RBM12: variants seen among roughly 807,000 people sequenced by gnomAD.
The protein encoded by RBM12 is RNA-binding protein 12.
Under a neutral mutation model 37.2 loss-of-function variants are expected in RBM12, and 24 were observed. The ratio of observed to expected loss-of-function variants is 0.65; its 90% CI spans 0.47 to 0.91. RBM12 has a LOEUF of 0.91. Among genes scored for constraint, RBM12 ranks in the 40% least tolerant of loss-of-function variants. The pLI is 0.00. For synonymous variants in RBM12, 420 were observed against 425.2 expected (o/e 0.99, Z 0.15); for missense variants, 1,061 against 1,183.2 (o/e 0.90, Z 1.52).
rs1420381380 is a variant in RBM12 at position 35,651,036 on chromosome 20, G to A, written c.*1488C>T. 6.6e-6 allele frequency: 1 copy of A among 152,274 alleles called. No homozygotes were observed. The highest frequency in any genetic ancestry group is 2.4e-5 in the African/African-American group (1 of 41,396). The allele number at this position is 152,274 out of a possible 1,614,324, so 9.4% of individuals were successfully genotyped here. A position where few individuals can be genotyped will look rare whatever the true frequency, so the allele number is the denominator to read the frequency against. ...GACACATTTTCAGAGCATTGACTAG[G>A]GAAAGTAACCATAACTAGAGCCCTG... On this transcript the variant is annotated 3_prime_UTR_variant, in exon 3 of 3. Coordinates refer to ENST00000374114, the MANE Select transcript of RBM12 (RefSeq NM_006047.6).
Position 35,655,215 on chromosome 20 carries a change from T to G in RBM12, c.108A>C (p.Val36=). 1 of 1,614,032 alleles carries G rather than the reference T, an allele frequency of 6.2e-7. No homozygotes were observed. The highest frequency in any genetic ancestry group is 8.5e-7 in the Non-Finnish European group (1 of 1,180,010). Residue 36 remains valine (V), a synonymous_variant, in exon 3 of 3, where the codon GTA becomes GTC. Coordinates refer to ENST00000374114, the MANE Select transcript of RBM12 (RefSeq NM_006047.6). ...TGAAAGCCTCACCCAGTTCACCCCC[T>G]ACAATATGCACGCCCCCATCAGGAA... The part of the protein sequence containing the change: ...LTIPDGGVHI[V]GGELGEAFIV...
intron 1 of RBM12, 124 bp from the exon 2 acceptor site, chr20:35,659,138 C>CAAAAAAAAAAAAAAAAA (rs370328377): frequency 3.9e-6 from 1 of 253,598 alleles, no homozygotes; most frequent in African/African-American, 3.0e-5. Context: ...GAATGCATAT[C>CAAAAAAAAAAAAAAAAA]AAAAAAAAAA....
In RBM12 at chr20:35,652,486, A is replaced by C; in HGVS notation, c.*38T>G. 2 of 1,567,940 alleles carry C rather than the reference A, an allele frequency of 1.3e-6. No individual in the cohort carries two copies. The highest frequency in any genetic ancestry group is 2.4e-5 in the South Asian group (2 of 84,612). On this transcript the variant is annotated 3_prime_UTR_variant, in exon 3 of 3. Transcript: ENST00000374114. ...ACAATCTGGATGCATTAATCACAGC[A>C]ATATGAAGATCTACCCTATAAAAAA...
At chr20:35,664,422 C>T (rs768233056) in intron 1 of RBM12, 4 of 152,340 alleles carry the variant, frequency 2.6e-5, no homozygotes, top group African/African-American at 4.8e-5. Flanking sequence ...ATCCTCCGTA[C>T]TCGGGATGTA....
In RBM12 at chr20:35,654,630, A is replaced by C. The variant is rs532658606; in HGVS notation, c.693T>G (p.Ser231=). 3 of 1,614,066 alleles carry C rather than the reference A, an allele frequency of 1.9e-6. No individual in the cohort carries two copies. In the African/African-American group the frequency reaches 4.0e-5, roughly 22 times the overall value. The change falls in exon 3 of 3, where the codon TCT becomes TCG. Residue 231 remains serine, a synonymous_variant. Transcript: ENST00000374114. ...PPVPPIPPVP[S]VPPMTPLPPM... ...GTGGCAGTGGGGTCATGGGTGGCAC[A>C]GAAGGAACTGGGGGAATCGGGGGCA... is the stretch of plus-strand genomic sequence containing the variant.
rs922488202 is a variant in RBM12, at chr20:35,653,804, T to C, written c.1519A>G (p.Lys507Glu). 1.9e-6 allele frequency: 3 copies of C among 1,613,848 alleles called. No individual in the cohort carries two copies. The highest frequency in any genetic ancestry group is 2.7e-5 in the African/African-American group (2 of 74,946). The change falls in exon 3 of 3, where the codon AAG becomes GAG. Residue 507 changes from lysine (K) to glutamate (E), a missense_variant. Lys to Glu is a moderately conservative substitution (Grantham distance 56). Coordinates refer to ENST00000374114, the MANE Select transcript of RBM12 (RefSeq NM_006047.6). ...TCTATCTTTTCTAGCATACCTTTCT[T>C]AGTAATTGGATGAACTTGAATAAAG... The part of the protein sequence containing the change: ...NRFIQVHPIT[K>E]KGMLEKIDMI...
In RBM12 at chr20:35,649,960, T is replaced by C. The variant is rs929038706; in HGVS notation, c.*2564A>G. ...CCATACAAAGCAAATGAGAAAATAA[T>C]GTCAATTCATTTCTACCCCAAACCT... On this transcript the variant is annotated 3_prime_UTR_variant, in exon 3 of 3. Coordinates refer to ENST00000374114, the MANE Select transcript of RBM12 (RefSeq NM_006047.6). 1.3e-5 allele frequency: 2 copies of C among 152,604 alleles called. No individual in the cohort carries two copies. Among genetic ancestry groups the C allele is most frequent in the African/African-American group, 4.8e-5 (2 of 41,454 alleles). The allele number at this position is 152,604 out of a possible 1,614,324, so 9.5% of individuals were successfully genotyped here.
chr20:35,659,137 TC>T (rs1334695696), intron 1 of RBM12, 123 bp from the exon 2 acceptor site: 63 of 256,566 alleles, frequency 2.5e-4, no homozygotes, highest in Middle Eastern at 9.8e-4. Context: ...AGAATGCATA[TC>T]AAAAAAAAAA....
Position 35,657,388 on chromosome 20 carries a change from C to T in RBM12, c.-23+1542G>A, listed in dbSNP as rs191006876. Reference sequence around the variant, plus strand: ...CTGTATGCAAAATGTGATAGCATTTCCTGTTCAACTTCAAAAAACGGTTAA... The same window carrying T: ...CTGTATGCAAAATGTGATAGCATTTTCTGTTCAACTTCAAAAAACGGTTAA... On this transcript the variant is annotated intron_variant, in intron 2 of 2. Transcript: ENST00000374114. 4.7e-4 allele frequency among the ~76,000 whole-genome samples: 71 copies of T among 152,288 alleles called. 1 individual carries two copies. In the Middle Eastern group the frequency reaches 0.014, roughly 29 times the overall value.
In RBM12 at chr20:35,652,570, T is replaced by A. The variant is rs1189366788; in HGVS notation, c.2753A>T (p.Asn918Ile). 6.2e-7 allele frequency: 1 copy of A among 1,614,172 alleles called. No homozygotes were observed. The highest frequency in any genetic ancestry group is 8.5e-7 in the Non-Finnish European group (1 of 1,180,024). The change falls in exon 3 of 3, where the codon AAT becomes ATT. Residue 918 changes from asparagine to isoleucine, a missense_variant. Physicochemically the swap from Asn to Ile is moderately radical, Grantham distance 149. This residue lies in a region of RBM12 where 517 missense variants were observed against 534.0 expected (regional missense o/e 0.97). Transcript: ENST00000374114. ...TTTTCTTGAACCTATAGGCCTGTCA[T>A]TTAAGTCAATGACAGCAGCTGTGGC... is the stretch of plus-strand genomic sequence containing the variant. ...DEATAAVIDL[N>I]DRPIGSRKVK...
intron 2 of RBM12, 34 bp downstream of exon 2, chr20:35,658,896 T>C: frequency 4.2e-6 from 3 of 710,390 alleles, no homozygotes; most frequent in Non-Finnish European, 7.8e-6. Flanking sequence ...TTTTATTTTG[T>C]ATAAAAACGA....
intron 2 of RBM12, among the ~76,000 whole-genome samples, chr20:35,656,756 C>T (rs1160540867): frequency 1.4e-5 from 2 of 147,554 alleles, no homozygotes; most frequent in Non-Finnish European, 3.1e-5. Context: ...ATCCACCCTC[C>T]TCAGTCTTCC....
rs369772201 is a variant in RBM12 at position 35,652,601 on chromosome 20, C to T, written c.2722G>A (p.Asp908Asn). The change falls in exon 3 of 3, where the codon GAT (aspartate) becomes AAT (asparagine). Residue 908 changes from aspartate to asparagine, a missense_variant. This residue lies in a region of RBM12 where 517 missense variants were observed against 534.0 expected (regional missense o/e 0.97). Coordinates refer to ENST00000374114, the MANE Select transcript of RBM12 (RefSeq NM_006047.6). ...GEAMVAFESR[D>N]EATAAVIDLN... is the part of the protein sequence containing the mutation. ...TCAATGACAGCAGCTGTGGCTTCAT[C>T]CCGAGACTCAAAGGCCACCATGGCT... 6.2e-7 allele frequency: 1 copy of T among 1,614,190 alleles called. No homozygotes were observed. Among genetic ancestry groups the T allele is most frequent in the Non-Finnish European group, 8.5e-7 (1 of 1,180,016 alleles).
chr20:35,661,210 T>C (rs2034214059), intron 1 of RBM12, among the ~76,000 whole-genome samples: 1 of 152,146 alleles, frequency 6.6e-6, no homozygotes, highest in South Asian at 2.1e-4. Context: ...AAGGGAAAGG[T>C]AAATGGAAAT....
intron 1 of RBM12, among the ~76,000 whole-genome samples, chr20:35,660,828 C>T (rs1296952734): frequency 2.0e-5 from 3 of 152,186 alleles, no homozygotes; most frequent in African/African-American, 7.2e-5. Context: ...TCAGCCTCTT[C>T]CCTTGCAAAC....
chr20:35,664,149 T>C (rs1324371072), intron 1 of RBM12, among the ~76,000 whole-genome samples: 2 of 151,210 alleles, frequency 1.3e-5, no homozygotes, highest in South Asian at 2.1e-4. Context: ...TCCCCAGCAA[T>C]GGACCTCGGA....
chr20:35,658,676 C>G (rs1005851592), intron 2 of RBM12, among the ~76,000 whole-genome samples: 2 of 152,030 alleles, frequency 1.3e-5, no homozygotes, highest in African/African-American at 4.8e-5. Flanking sequence ...CAGAGAAGTG[C>G]TTGAACCCGG....
intron 2 of RBM12, among the ~76,000 whole-genome samples, chr20:35,658,167 C>G (rs1351275537): frequency 2.0e-5 from 3 of 152,180 alleles, no homozygotes; most frequent in African/African-American, 7.2e-5. Flanking sequence ...TTGGGCCTAT[C>G]TTAGTTACTT....
intron 1 of RBM12, among the ~76,000 whole-genome samples, chr20:35,662,092 T>C (rs1224187315): frequency 6.6e-6 from 1 of 152,230 alleles, no homozygotes. Flanking sequence ...ATGAAAAAAT[T>C]ATTCTGACAC....
Sources: gnomAD v4.1 joint callset for allele counts (sites outside exome capture counted in the v4.1 genomes callset) on GRCh38, gnomAD v4.1.1 for gene constraint, gnomAD v4.1.1 regional missense constraint, MANE v1.5 for transcripts, NCBI Gene and HGNC (gene_info 2026-07-23, HGNC 2026-07-21) for gene names.